The following RAB2A variants were observed in gnomAD, a reference collection of about 807,000 sequenced individuals.
RAB2A encodes RAB2A, member RAS oncogene family.
A neutral mutation model predicts 32.5 loss-of-function variants in RAB2A; 7 were observed. The ratio of observed to expected loss-of-function variants is 0.22; its 90% confidence interval spans 0.12 to 0.40. The LOEUF is 0.40. Ranked by LOEUF, RAB2A falls within the 10% of genes least tolerant of loss-of-function variation. The pLI, the probability that RAB2A is intolerant of heterozygous loss-of-function variation, is 1.00. For missense variants in RAB2A, 108 were observed against 260.7 expected, an observed-to-expected ratio of 0.41 and a Z score of 4.03; for synonymous variants, 79 against 85.2, an observed-to-expected ratio of 0.93 and a Z score of 0.40.
intron 6 of RAB2A, among the ~76,000 whole-genome samples, chr8:60,611,512 A>G (rs1804347780): frequency 6.6e-6 from 1 of 152,188 alleles, no homozygotes; most frequent in Admixed American, 6.5e-5. Context: ...ATGTTCGCAT[A>G]TTGGATGCAT....
intron 2 of RAB2A, among the ~76,000 whole-genome samples, chr8:60,565,828 A>G (rs1808104233): frequency 1.3e-5 from 2 of 151,286 alleles, no homozygotes; most frequent in Admixed American, 6.6e-5. Context: ...CTCCTGCCTC[A>G]GCCTCCTGAG....
chr8:60,606,174 G>A (rs951744620), intron 6 of RAB2A, among the ~76,000 whole-genome samples: 1 of 151,688 alleles, frequency 6.6e-6, no homozygotes, highest in Admixed American at 6.6e-5. Flanking sequence ...AAACAAAAAT[G>A]CTTCATTTCA....
At chr8:60,555,579 C>A (rs1807925365) in intron 1 of RAB2A, among the ~76,000 whole-genome samples, 1 of 152,086 alleles carries the variant, frequency 6.6e-6, no homozygotes, top group Non-Finnish European at 1.5e-5. Flanking sequence ...AGAAGATACA[C>A]AAATGGCCAT....
chr8:60,522,517 C>CT (rs1281067639), intron 1 of RAB2A, among the ~76,000 whole-genome samples: 4 of 151,794 alleles, frequency 2.6e-5, no homozygotes, highest in Admixed American at 6.6e-5. Context: ...CTCCTACTTT[C>CT]TTTTTTAAAA....
chr8:60,530,974 A>G (rs965819991), intron 1 of RAB2A, among the ~76,000 whole-genome samples: 5 of 152,234 alleles, frequency 3.3e-5, no homozygotes, highest in African/African-American at 9.6e-5. Flanking sequence ...ATTAATTTAA[A>G]TTCTGAAATT....
In RAB2A at chr8:60,528,352, CTT is replaced by C. The variant is rs1248565665; in HGVS notation, c.46+11104_46+11105del. Among the ~76,000 whole-genome samples, 4 of 152,242 alleles carry C rather than the reference CTT, an allele frequency of 2.6e-5. No individual in the cohort carries two copies. In the East Asian group the frequency reaches 7.7e-4, roughly 29 times the overall value. ...TGACTTGAATAACAAATGATTATAT[CTT>C]TTTTATCCTGCTTCTTTGAATGTTA... On this transcript the variant is annotated intron_variant, in intron 1 of 7. Transcript: ENST00000262646.
rs957274315 is a variant in RAB2A, at chr8:60,619,605, C to T, written c.543+957C>T. On this transcript the variant is annotated intron_variant, in intron 7 of 7. Coordinates refer to ENST00000262646, the MANE Select transcript of RAB2A (RefSeq NM_002865.3). The stretch of plus-strand genomic sequence containing the variant: ...GAGTAATATAGTTTCTAAATCCTAT[C>T]TTCTAGGCTTATATGACGGTACTTC... 2.6e-5 allele frequency among the ~76,000 whole-genome samples: 4 copies of T among 152,182 alleles called. No individual in the cohort carries two copies. In the South Asian group the frequency reaches 8.3e-4, roughly 32 times the overall value.
chr8:60,591,800 A>G, intron 5 of RAB2A, 58 bp from the exon 6 acceptor site: 3 of 1,123,270 alleles, frequency 2.7e-6, no homozygotes, highest in Non-Finnish European at 4.0e-6. Flanking sequence ...ACTTTCCACA[A>G]ATGCTTCTGT....
chr8:60,529,730 CTGT>C (rs1471204338), intron 1 of RAB2A, among the ~76,000 whole-genome samples: 56 of 152,174 alleles, frequency 3.7e-4, no homozygotes, highest in Middle Eastern at 3.4e-3. Context: ...TGATTATGTT[CTGT>C]TGTTTGACTA....
At chr8:60,616,340 G>A (rs1804448659) in intron 6 of RAB2A, among the ~76,000 whole-genome samples, 1 of 152,200 alleles carries the variant, frequency 6.6e-6, no homozygotes. Flanking sequence ...GTGCTTGTTT[G>A]TATGAAGTTA....
At chr8:60,572,643 T>A (rs1808213204) in intron 3 of RAB2A, among the ~76,000 whole-genome samples, 1 of 152,164 alleles carries the variant, frequency 6.6e-6, no homozygotes, top group African/African-American at 2.4e-5. Context: ...TGAGTGACTG[T>A]TTTCTCTATT....
chr8:60,549,359 T>C lies in RAB2A; in HGVS notation c.47-9493T>C, dbSNP rs1175830022. 8.5e-5 allele frequency among the ~76,000 whole-genome samples: 13 copies of C among 152,266 alleles called. No homozygotes were observed. The East Asian group carries it at 2.5e-3, about 29-fold the overall frequency. The stretch of plus-strand genomic sequence containing the variant: ...CTCCAGCCTGGGCACCATTGAGCAC[T>C]GAGTGAACGAGACTCCGTCTGCAAT... On this transcript the variant is annotated intron_variant, in intron 1 of 7. Transcript: ENST00000262646.
intron 6 of RAB2A, among the ~76,000 whole-genome samples, chr8:60,603,650 A>G (rs527361791): frequency 2.0e-5 from 3 of 152,236 alleles, no homozygotes; most frequent in Non-Finnish European, 4.4e-5. Flanking sequence ...ACTCAAGGAA[A>G]TGAAGCACCC....
At chr8:60,567,339 C>T (rs759217535) in intron 2 of RAB2A, among the ~76,000 whole-genome samples, 1 of 152,112 alleles carries the variant, frequency 6.6e-6, no homozygotes, top group African/African-American at 2.4e-5. Flanking sequence ...TGGTCTCGAT[C>T]TCCTGACCTT....
chr8:60,544,019 G>A (rs1807686835), intron 1 of RAB2A, among the ~76,000 whole-genome samples: 3 of 141,406 alleles, frequency 2.1e-5, no homozygotes, highest in African/African-American at 8.0e-5. Flanking sequence ...CCGAGATTGC[G>A]CCACTGCACT....
intron 1 of RAB2A, among the ~76,000 whole-genome samples, chr8:60,536,452 T>C (rs981293520): frequency 6.6e-6 from 1 of 152,226 alleles, no homozygotes; most frequent in East Asian, 1.9e-4. Context: ...TGATATATAC[T>C]ATCATGAAAA....
intron 1 of RAB2A, among the ~76,000 whole-genome samples, chr8:60,529,876 T>G (rs1240349353): frequency 6.6e-6 from 1 of 152,204 alleles, no homozygotes; most frequent in Non-Finnish European, 1.5e-5. Context: ...GAAATAAATC[T>G]TGCAGCGGAT....
chr8:60,548,996 C>T (rs1807797993), intron 1 of RAB2A, among the ~76,000 whole-genome samples: 2 of 151,400 alleles, frequency 1.3e-5, no homozygotes, highest in South Asian at 2.1e-4. Flanking sequence ...CCTCACATCC[C>T]GGACGGGGCG....
intron 1 of RAB2A, among the ~76,000 whole-genome samples, chr8:60,549,013 C>T (rs1191668872): frequency 6.7e-6 from 1 of 149,654 alleles, no homozygotes; most frequent in Non-Finnish European, 1.5e-5. Context: ...GGCGGCAGGG[C>T]AGAGGTGCTC....
Sources: gnomAD v4.1 joint callset for allele counts (sites outside exome capture counted in the v4.1 genomes callset) on GRCh38, gnomAD v4.1.1 for gene constraint, MANE v1.5 for transcripts, NCBI Gene and HGNC (gene_info 2026-07-23, HGNC 2026-07-21) for gene names.